CFAP91: variants seen among roughly 807,000 people sequenced by gnomAD.
The protein encoded by CFAP91 is cilia- and flagella-associated protein 91.
A neutral mutation model predicts 95.9 loss-of-function variants in CFAP91; 85 were observed. The observed-to-expected ratio is 0.89, with a 90% CI of 0.74 to 1.06. CFAP91 has a LOEUF of 1.06. CFAP91 is among the 50% of genes least tolerant of loss of function. The pLI is 0.00. For missense variants in CFAP91, 962 were observed against 943.4 expected, an observed-to-expected ratio of 1.02 and a Z score of -0.26; for synonymous variants, 335 against 327.5, an observed-to-expected ratio of 1.02 and a Z score of -0.25.
At chr3:119,707,053 C>A in intron 2 of CFAP91, 168 bp downstream of exon 2, 1 of 594,428 alleles carries the variant, frequency 1.7e-6, no homozygotes, top group Non-Finnish European at 3.0e-6. Context: ...ACGTGTGGCT[C>A]ATTGTGAGGA....
chr3:119,709,824 TC>T lies in CFAP91; in HGVS notation c.444-14del. 6.2e-7 allele frequency: 1 copy of T among 1,602,194 alleles called. No individual in the cohort carries two copies. Among genetic ancestry groups the T allele is most frequent in the South Asian group, 1.1e-5 (1 of 90,772 alleles). ...GCAAAAGTCCCACACATTTATGTTT[TC>T]TTTTTCCTCCCAGGCCTTTTCTCCC... On this transcript the variant is annotated splice_polypyrimidine_tract_variant and intron_variant, in intron 4 of 17. Transcript: ENST00000273390.
intron 7 of CFAP91, among the ~76,000 whole-genome samples, chr3:119,727,799 G>A (rs966503527): frequency 2.6e-5 from 4 of 152,192 alleles, no homozygotes; most frequent in East Asian, 1.9e-4. Flanking sequence ...ACTACTAAGA[G>A]GAGGTAGCTT....
chr3:119,762,891 G>T (rs1001717933), intron 17 of CFAP91, among the ~76,000 whole-genome samples: 3 of 151,952 alleles, frequency 2.0e-5, no homozygotes, highest in Non-Finnish European at 4.4e-5. Flanking sequence ...TAAGGGAAAA[G>T]CTCCTAACAT....
At chr3:119,748,598 G>A (rs185781987) in intron 16 of CFAP91, among the ~76,000 whole-genome samples, 50 of 152,258 alleles carry the variant, frequency 3.3e-4, no homozygotes, top group Non-Finnish European at 6.2e-4. Context: ...TTATACCGGG[G>A]AATTCCAGAT....
intron 17 of CFAP91, among the ~76,000 whole-genome samples, chr3:119,752,974 A>G (rs1194890363): frequency 2.0e-5 from 3 of 152,200 alleles, no homozygotes; most frequent in Non-Finnish European, 4.4e-5. Flanking sequence ...GGAAGCAGAG[A>G]ATGACAGATG....
chr3:119,724,938 A>G (rs1423860320), intron 6 of CFAP91, among the ~76,000 whole-genome samples: 3 of 152,122 alleles, frequency 2.0e-5, no homozygotes, highest in African/African-American at 7.2e-5. Flanking sequence ...AAAACAAGAG[A>G]TAGTGAATTC....
chr3:119,733,719 T>C (rs944858494), intron 10 of CFAP91, among the ~76,000 whole-genome samples: 12 of 152,170 alleles, frequency 7.9e-5, no homozygotes, highest in Non-Finnish European at 1.3e-4. Context: ...TTTTCCCCAT[T>C]TGCAGAGGTC....
At chr3:119,731,135 G>T (rs1478423351) in intron 8 of CFAP91, among the ~76,000 whole-genome samples, 2 of 152,178 alleles carry the variant, frequency 1.3e-5, no homozygotes, top group African/African-American at 4.8e-5. Flanking sequence ...CTACTTGGAG[G>T]CTGAGGTGGG....
intron 4 of CFAP91, 148 bp from the exon 5 acceptor site, chr3:119,709,691 T>C: frequency 1.5e-6 from 1 of 654,424 alleles, no homozygotes; most frequent in Non-Finnish European, 2.7e-6. Flanking sequence ...CCTGCAGTGA[T>C]TTTTTATGTC....
intron 14 of CFAP91, 78 bp from the exon 15 acceptor site, chr3:119,747,037 A>T: frequency 8.6e-7 from 1 of 1,163,590 alleles, no homozygotes; most frequent in Non-Finnish European, 1.2e-6. Flanking sequence ...AGAAAAAGTT[A>T]ACCAATGTTT....
chr3:119,708,097 C>T (rs944033244), intron 3 of CFAP91, among the ~76,000 whole-genome samples: 56 of 151,948 alleles, frequency 3.7e-4, no homozygotes, highest in African/African-American at 1.2e-3. Flanking sequence ...CTGGCTAACA[C>T]GGTGAAACCC....
chr3:119,737,204 GA>G (rs2054026554), intron 10 of CFAP91, among the ~76,000 whole-genome samples, 161 bp from the exon 11 acceptor site: 1 of 152,110 alleles, frequency 6.6e-6, no homozygotes, highest in African/African-American at 2.4e-5. Context: ...GGTAATGAAG[GA>G]AAATATAGGG....
At chr3:119,727,147 T>G (rs1461782355) in intron 7 of CFAP91, among the ~76,000 whole-genome samples, 1 of 152,222 alleles carries the variant, frequency 6.6e-6, no homozygotes, top group Non-Finnish European at 1.5e-5. Context: ...GCTGACGCAC[T>G]TTATTGCTCT....
Position 119,707,533 on chromosome 3 carries a change from C to A in CFAP91, c.331C>A (p.His111Asn). 8.8e-6 allele frequency: 14 copies of A among 1,586,514 alleles called. No individual in the cohort carries two copies. Among genetic ancestry groups the A allele is most frequent in the Non-Finnish European group, 1.2e-5 (14 of 1,161,110 alleles). ...GGAATGGAAGGGACATAAGGAGAAA[C>A]ACAGAGAAGCCCTCCGGCAGCTCAC... is the stretch of plus-strand genomic sequence containing the variant. ...SREWKGHKEK[H>N]REALRQLTTT... The change falls in exon 3 of 18, where the codon CAC (histidine) becomes AAC (asparagine). Residue 111 changes from histidine (H) to asparagine (N), a missense_variant. By Grantham distance (68) the His-to-Asn change is moderately conservative. Coordinates refer to ENST00000273390, the MANE Select transcript of CFAP91 (RefSeq NM_033364.4).
rs1224557288 is a variant in CFAP91, at chr3:119,767,074, T to C, written c.*2024T>C. ...GCTTTTGAAAATAAAACACCTATAG[T>C]GACAATAAAAACACACATTTAAAGC... is the stretch of plus-strand genomic sequence containing the variant. On this transcript the variant is annotated 3_prime_UTR_variant, in exon 18 of 18. Coordinates refer to ENST00000273390, the MANE Select transcript of CFAP91 (RefSeq NM_033364.4). 6.6e-6 allele frequency: 1 copy of C among 152,166 alleles called. No homozygotes were observed. The highest frequency in any genetic ancestry group is 1.9e-4 in the East Asian group (1 of 5,196). The allele number at this position is 152,166 out of a possible 1,614,324, so 9.4% of individuals were successfully genotyped here. A position where few individuals can be genotyped will look rare whatever the true frequency, so the allele number is the denominator to read the frequency against.
rs572189171 is a variant in CFAP91, at chr3:119,766,488, C to G, written c.*1438C>G. On this transcript the variant is annotated 3_prime_UTR_variant, in exon 18 of 18. Coordinates refer to ENST00000273390, the MANE Select transcript of CFAP91 (RefSeq NM_033364.4). The stretch of plus-strand genomic sequence containing the variant: ...GTTCTTTGAAAAAGGCTAACCTGAG[C>G]TAGGTAAAGGTTATATCATTCACTT... 3.9e-5 allele frequency: 6 copies of G among 152,086 alleles called. No homozygotes were observed. The highest frequency in any genetic ancestry group is 1.2e-4 in the African/African-American group (5 of 41,474). The allele number at this position is 152,086 out of a possible 1,614,324, so 9.4% of individuals were successfully genotyped here.
At chr3:119,740,781 T>C in intron 13 of CFAP91, 86 bp downstream of exon 13, 1 of 1,448,294 alleles carries the variant, frequency 6.9e-7, no homozygotes, top group Non-Finnish European at 9.4e-7. Context: ...ATAATAAAAA[T>C]TAATGAAATG....
At chr3:119,751,893 T>C (rs1259960539) in intron 17 of CFAP91, among the ~76,000 whole-genome samples, 1 of 152,146 alleles carries the variant, frequency 6.6e-6, no homozygotes, top group Non-Finnish European at 1.5e-5. Flanking sequence ...AAAGTCAACA[T>C]ACTCACAGAA....
At chr3:119,735,809 A>G (rs1422719164) in intron 10 of CFAP91, among the ~76,000 whole-genome samples, 1 of 152,204 alleles carries the variant, frequency 6.6e-6, no homozygotes, top group Non-Finnish European at 1.5e-5. Context: ...ATATATAATC[A>G]GCCAATACTT....
Sources: allele counts gnomAD v4.1 joint callset (sites outside exome capture counted in the v4.1 genomes callset), GRCh38; gene constraint gnomAD v4.1.1; transcripts MANE v1.5; gene names NCBI Gene and HGNC (gene_info 2026-07-23, HGNC 2026-07-21).